RALA: variants seen among roughly 807,000 people sequenced by gnomAD.
The protein encoded by RALA is ras-related protein Ral-A.
A neutral mutation model predicts 24.0 loss-of-function variants in RALA; 5 were observed. That is an observed-to-expected ratio of 0.21 (90% CI 0.11 to 0.44). The LOEUF (loss-of-function observed/expected upper bound fraction) is 0.44, where lower values mean the gene tolerates loss of function less well. Ranked by LOEUF, RALA falls within the 20% of genes least tolerant of loss-of-function variation. The pLI is 0.99. For missense variants in RALA, 95 were observed against 241.2 expected, an observed-to-expected ratio of 0.39 and a Z score of 4.01; for synonymous variants, 77 against 83.8, an observed-to-expected ratio of 0.92 and a Z score of 0.44.
In RALA at chr7:39,699,829, C is replaced by T. The variant is rs1238411434; in HGVS notation, c.498+2970C>T. On this transcript the variant is annotated intron_variant, in intron 4 of 4. Coordinates refer to ENST00000005257, the MANE Select transcript of RALA (RefSeq NM_005402.4). ...TTTTCACTGTAAATACCCTTGTGAA[C>T]TTTTTGCCATATTCATGGACACTTG... 1.3e-5 allele frequency among the ~76,000 whole-genome samples: 2 copies of T among 152,170 alleles called. 1 individual carries two copies. The highest frequency in any genetic ancestry group is 2.9e-5 in the Non-Finnish European group (2 of 68,038).
intron 1 of RALA, among the ~76,000 whole-genome samples, chr7:39,628,424 C>T (rs1016493063): frequency 2.0e-5 from 3 of 151,706 alleles, no homozygotes; most frequent in African/African-American, 4.9e-5. Context: ...TTCTTTCTCT[C>T]TCTTAAAGGC....
intron 1 of RALA, among the ~76,000 whole-genome samples, chr7:39,671,564 G>A (rs1368933814): frequency 6.6e-6 from 1 of 152,000 alleles, no homozygotes; most frequent in Non-Finnish European, 1.5e-5. Flanking sequence ...TTTTATTAAT[G>A]TTAACCTTAG....
At chr7:39,696,522 G>A (rs556173024) in intron 3 of RALA, among the ~76,000 whole-genome samples, 163 bp from the exon 4 acceptor site, 4 of 152,286 alleles carry the variant, frequency 2.6e-5, no homozygotes, top group South Asian at 4.1e-4. Flanking sequence ...AATAAAGTTT[G>A]GACCTTAGTT....
At chr7:39,705,998 A>C in intron 4 of RALA, 125 bp from the exon 5 acceptor site, 1 of 820,442 alleles carries the variant, frequency 1.2e-6, no homozygotes, top group Non-Finnish European at 1.9e-6. Context: ...TCCGCTCTGT[A>C]CTCCCAAACA....
chr7:39,631,378 A>G (rs1791596651), intron 1 of RALA, among the ~76,000 whole-genome samples: 1 of 151,124 alleles, frequency 6.6e-6, no homozygotes, highest in African/African-American at 2.4e-5. Context: ...TTTTTTTTGG[A>G]GAAAGGGTCT....
At chr7:39,662,750 G>C (rs1469002047) in intron 1 of RALA, among the ~76,000 whole-genome samples, 1 of 152,134 alleles carries the variant, frequency 6.6e-6, no homozygotes, top group Non-Finnish European at 1.5e-5. Flanking sequence ...CTTCTTTGGA[G>C]CCCTCCAGAC....
chr7:39,691,296 A>C (rs1055908633), intron 3 of RALA, among the ~76,000 whole-genome samples: 4 of 152,220 alleles, frequency 2.6e-5, no homozygotes, highest in Non-Finnish European at 5.9e-5. Flanking sequence ...CTACATGCAT[A>C]AATCAAGTGT....
At chr7:39,657,091 C>T (rs1029221208) in intron 1 of RALA, among the ~76,000 whole-genome samples, 3 of 152,218 alleles carry the variant, frequency 2.0e-5, no homozygotes, top group Middle Eastern at 3.4e-3. Flanking sequence ...TTCAGTCTCC[C>T]GGGTAGCTGG....
At chr7:39,672,066 A>G (rs531939354) in intron 1 of RALA, among the ~76,000 whole-genome samples, 4 of 152,170 alleles carry the variant, frequency 2.6e-5, no homozygotes, top group Non-Finnish European at 4.4e-5. Flanking sequence ...TAAAATGTCA[A>G]ACATTTTTGA....
chr7:39,653,041 A>C (rs6462938), intron 1 of RALA, among the ~76,000 whole-genome samples: 1 of 147,812 alleles, frequency 6.8e-6, no homozygotes. Flanking sequence ...TATTATTATT[A>C]TTTTTTGAGA....
chr7:39,662,625 C>T (rs1792212739), intron 1 of RALA, among the ~76,000 whole-genome samples: 1 of 152,142 alleles, frequency 6.6e-6, no homozygotes, highest in Admixed American at 6.5e-5. Flanking sequence ...TTCCTCATCT[C>T]CCATCTGAGA....
chr7:39,651,075 C>G (rs1217243219), intron 1 of RALA, among the ~76,000 whole-genome samples: 8 of 152,160 alleles, frequency 5.3e-5, no homozygotes, highest in Admixed American at 5.2e-4. Context: ...GATTTTTCAG[C>G]TTTACAATGG....
intron 1 of RALA, among the ~76,000 whole-genome samples, chr7:39,631,304 G>A (rs559870815): frequency 4.7e-4 from 71 of 152,144 alleles, no homozygotes; most frequent in East Asian, 7.7e-4. Flanking sequence ...CATGGTGCCC[G>A]GCCTCATTGC....
intron 1 of RALA, among the ~76,000 whole-genome samples, chr7:39,653,484 C>T (rs1205790257): frequency 6.6e-6 from 1 of 151,842 alleles, no homozygotes; most frequent in South Asian, 2.1e-4. Context: ...TCCACCATGC[C>T]TGGCCAATTT....
At chr7:39,683,987 A>T (rs567030631) in intron 1 of RALA, among the ~76,000 whole-genome samples, 2 of 152,318 alleles carry the variant, frequency 1.3e-5, no homozygotes, top group African/African-American at 4.8e-5. Context: ...GCCAGCAAGT[A>T]ATGATCATAA....
At chr7:39,646,712 G>T (rs550814035) in intron 1 of RALA, among the ~76,000 whole-genome samples, 5 of 152,296 alleles carry the variant, frequency 3.3e-5, no homozygotes, top group African/African-American at 1.2e-4. Flanking sequence ...AATTTATTCT[G>T]TTCTAGTCAT....
intron 1 of RALA, among the ~76,000 whole-genome samples, chr7:39,671,958 AT>A (rs1391239991): frequency 6.6e-6 from 1 of 152,106 alleles, no homozygotes; most frequent in Non-Finnish European, 1.5e-5. Context: ...AACTAATGTC[AT>A]TTTTTTGACT....
chr7:39,675,008 T>C (rs1792454934), intron 1 of RALA, among the ~76,000 whole-genome samples: 1 of 152,056 alleles, frequency 6.6e-6, no homozygotes, highest in African/African-American at 2.4e-5. Flanking sequence ...GTATTTTCAG[T>C]GGAGACGGGG....
chr7:39,625,533 C>T (rs970145152), intron 1 of RALA, among the ~76,000 whole-genome samples: 2 of 152,202 alleles, frequency 1.3e-5, no homozygotes, highest in Non-Finnish European at 2.9e-5. Context: ...CATGAATACA[C>T]GCAATCCTCT....
Sources: gnomAD v4.1 joint callset for allele counts (sites outside exome capture counted in the v4.1 genomes callset) on GRCh38, gnomAD v4.1.1 for gene constraint, MANE v1.5 for transcripts, NCBI Gene and HGNC (gene_info 2026-07-23, HGNC 2026-07-21) for gene names.